GMDS: variants seen among roughly 807,000 people sequenced by gnomAD.
GMDS encodes GDP-mannose 4,6 dehydratase.
A neutral mutation model predicts 49.9 loss-of-function variants in GMDS; 20 were observed. The observed-to-expected ratio is 0.40, with a 90% confidence interval of 0.28 to 0.58. GMDS has a LOEUF of 0.58. GMDS is among the 20% of genes least tolerant of loss of function. GMDS has a pLI of 0.42. For missense variants in GMDS, 362 were observed against 481.4 expected (o/e 0.75, Z 2.32); for synonymous variants, 177 against 178.6 (o/e 0.99, Z 0.07).
chr6:2,055,486 A>G (rs2127441438), intron 4 of GMDS, among the ~76,000 whole-genome samples: 1 of 152,246 alleles, frequency 6.6e-6, no homozygotes, highest in East Asian at 1.9e-4. Flanking sequence ...CCTACTTACT[A>G]TCATGTCTGG....
intron 1 of GMDS, among the ~76,000 whole-genome samples, chr6:2,194,496 C>T (rs1779198675): frequency 6.6e-6 from 1 of 152,156 alleles, no homozygotes; most frequent in Non-Finnish European, 1.5e-5. Context: ...TATTATAACA[C>T]TAAATTATAT....
At chr6:2,233,542 T>C (rs1192622659) in intron 1 of GMDS, among the ~76,000 whole-genome samples, 1 of 152,212 alleles carries the variant, frequency 6.6e-6, no homozygotes, top group African/African-American at 2.4e-5. Context: ...AAACAGGGCT[T>C]GCCGTGGTGG....
intron 9 of GMDS, among the ~76,000 whole-genome samples, chr6:1,711,252 C>A (rs573329766): frequency 6.6e-6 from 1 of 152,372 alleles, no homozygotes. Flanking sequence ...TGGCCAGCCT[C>A]AGAGCCGGCT....
chr6:1,784,849 C>A (rs1042539098), intron 7 of GMDS, among the ~76,000 whole-genome samples: 1 of 152,166 alleles, frequency 6.6e-6, no homozygotes, highest in Non-Finnish European at 1.5e-5. Context: ...AACTGTTATG[C>A]CTTTGCGGAT....
intron 4 of GMDS, among the ~76,000 whole-genome samples, chr6:2,079,882 CA>C (rs934471485): frequency 2.4e-4 from 36 of 152,008 alleles, no homozygotes; most frequent in African/African-American, 8.7e-4. Flanking sequence ...TATTTAATAA[CA>C]AAAAAATAGA....
chr6:1,655,059 CAAA>C lies in GMDS; in HGVS notation c.988-30522_988-30520del, dbSNP rs66508419. On this transcript the variant is annotated intron_variant, in intron 9 of 10. Coordinates refer to ENST00000380815, the MANE Select transcript of GMDS (RefSeq NM_001500.4). The stretch of plus-strand genomic sequence containing the variant: ...CTGGTGACAGAGTGAGATACCGTCT[CAAA>C]AAAAAAAAAAAAAAAATTCCACTGA... Among the ~76,000 whole-genome samples, 523 of 117,280 alleles carry C rather than the reference CAAA, an allele frequency of 4.5e-3. 2 individuals are homozygous for C. The highest frequency in any genetic ancestry group is 0.011 in the African/African-American group (311 of 29,392). The allele number at this position is 117,280 out of a possible 152,430, so 76.9% of individuals were successfully genotyped here.
At chr6:1,683,192 C>T (rs898353396) in intron 9 of GMDS, among the ~76,000 whole-genome samples, 5 of 152,148 alleles carry the variant, frequency 3.3e-5, no homozygotes, top group East Asian at 1.9e-4. Context: ...GGTGCAATCT[C>T]GGCTCACTGC....
At chr6:1,858,967 G>GA (rs111451463) in intron 7 of GMDS, among the ~76,000 whole-genome samples, 3 of 150,492 alleles carry the variant, frequency 2.0e-5, no homozygotes, top group East Asian at 1.9e-4. Flanking sequence ...TTGTGTTTTG[G>GA]GGGGGGCAGG....
intron 7 of GMDS, among the ~76,000 whole-genome samples, chr6:1,876,537 G>A (rs1387832710): frequency 2.0e-5 from 3 of 152,190 alleles, no homozygotes; most frequent in Admixed American, 2.0e-4. Context: ...GGAGGTTTGA[G>A]TAGAAAGACG....
intron 4 of GMDS, among the ~76,000 whole-genome samples, chr6:2,021,891 T>C (rs1768297151): frequency 6.6e-6 from 1 of 152,192 alleles, no homozygotes; most frequent in African/African-American, 2.4e-5. Flanking sequence ...TTAGAGGTTG[T>C]GAAATGGCAG....
At chr6:1,708,622 C>G (rs9501762) in intron 9 of GMDS, among the ~76,000 whole-genome samples, 26,717 of 152,208 alleles carry the variant, frequency 0.18, 2,733 homozygotes, top group East Asian at 0.23. Context: ...TCAAACCATG[C>G]CTATTATAAA....
intron 9 of GMDS, among the ~76,000 whole-genome samples, chr6:1,691,125 A>G (rs1765153668): frequency 6.6e-6 from 1 of 151,324 alleles, no homozygotes; most frequent in East Asian, 1.9e-4. Context: ...CTAATCAATG[A>G]TAGACTGGAT....
chr6:2,116,381 T>G (rs1267037608), intron 3 of GMDS, among the ~76,000 whole-genome samples: 2 of 152,210 alleles, frequency 1.3e-5, no homozygotes, highest in African/African-American at 4.8e-5. Flanking sequence ...CATAATTGAT[T>G]GAAGGACAAC....
intron 7 of GMDS, among the ~76,000 whole-genome samples, chr6:1,745,127 C>T (rs965021911): frequency 1.3e-5 from 2 of 152,248 alleles, no homozygotes; most frequent in African/African-American, 4.8e-5. Flanking sequence ...GGTAAATACA[C>T]TTTAATGTGT....
intron 4 of GMDS, among the ~76,000 whole-genome samples, chr6:2,066,940 C>T (rs1771641012): frequency 6.6e-6 from 1 of 152,024 alleles, no homozygotes; most frequent in African/African-American, 2.4e-5. Context: ...GAACCCTCCA[C>T]CCCAAATCAA....
intron 7 of GMDS, among the ~76,000 whole-genome samples, chr6:1,868,171 G>A (rs1758533698): frequency 6.6e-6 from 1 of 152,072 alleles, no homozygotes; most frequent in Admixed American, 6.5e-5. Flanking sequence ...ATTTTTAGTA[G>A]AGATGGGGTT....
intron 7 of GMDS, among the ~76,000 whole-genome samples, chr6:1,773,713 G>C (rs1768677712): frequency 6.6e-6 from 1 of 152,230 alleles, no homozygotes; most frequent in Non-Finnish European, 1.5e-5. Context: ...CTCCTCTTGA[G>C]AGGATTTGCA....
At chr6:1,797,814 C>A (rs554258163) in intron 7 of GMDS, among the ~76,000 whole-genome samples, 1 of 152,214 alleles carries the variant, frequency 6.6e-6, no homozygotes, top group South Asian at 2.1e-4. Context: ...TTTGTGGACC[C>A]CAATGGGCAC....
chr6:1,982,899 A>C (rs1406513787), intron 4 of GMDS, among the ~76,000 whole-genome samples: 1 of 152,204 alleles, frequency 6.6e-6, no homozygotes, highest in Non-Finnish European at 1.5e-5. Flanking sequence ...TATGGAACCA[A>C]AAAAAGATTC....
Sources: gnomAD v4.1 joint callset for allele counts (sites outside exome capture counted in the v4.1 genomes callset) on GRCh38, gnomAD v4.1.1 for gene constraint, MANE v1.5 for transcripts, NCBI Gene and HGNC (gene_info 2026-07-23, HGNC 2026-07-21) for gene names.